The following TTC28 variants were observed in gnomAD, a reference collection of about 807,000 sequenced individuals.
TTC28 encodes tetratricopeptide repeat protein 28.
Under a neutral mutation model 198.0 loss-of-function variants are expected in TTC28, and 61 were observed. The ratio of observed to expected loss-of-function variants is 0.31; its 90% CI spans 0.25 to 0.38. TTC28 has a LOEUF of 0.38. TTC28 is among the 10% of genes least tolerant of loss of function. The pLI is 1.00. For missense variants in TTC28, 2,678 were observed against 3,164.0 expected, an observed-to-expected ratio of 0.85 and a Z score of 3.69; for synonymous variants, 1,171 against 1,297.8, an observed-to-expected ratio of 0.90 and a Z score of 2.10.
intron 12 of TTC28, among the ~76,000 whole-genome samples, chr22:28,040,344 T>C (rs1398380089): frequency 2.0e-5 from 3 of 152,244 alleles, no homozygotes; most frequent in Non-Finnish European, 4.4e-5. Flanking sequence ...CTCAATAAAA[T>C]ACTGGCAAAC....
intron 1 of TTC28, among the ~76,000 whole-genome samples, chr22:28,674,225 G>C (rs536303354): frequency 6.6e-6 from 1 of 150,704 alleles, no homozygotes; most frequent in East Asian, 1.9e-4. Flanking sequence ...ATGGGGACAG[G>C]AAGAGGCTTG....
At chr22:28,625,764 A>G (rs1248614513) in intron 2 of TTC28, among the ~76,000 whole-genome samples, 1 of 152,184 alleles carries the variant, frequency 6.6e-6, no homozygotes, top group Non-Finnish European at 1.5e-5. Context: ...ACAAGGTTGG[A>G]AGACTTACAA....
Position 28,175,444 on chromosome 22 carries a change from T to C in TTC28, c.934-11845A>G, listed in dbSNP as rs530685081. The stretch of plus-strand genomic sequence containing the variant: ...AAAACAAAATAACCCAATTAAAAAA[T>C]GGGCAGGCCAGGCCTGGTGGCTCAT... On this transcript the variant is annotated intron_variant, in intron 5 of 22. Transcript: ENST00000397906. Among the ~76,000 whole-genome samples the C allele has an allele frequency of 1.0e-3, 154 of 152,162 alleles. 1 individual carries two copies. Among genetic ancestry groups the C allele is most frequent in the African/African-American group, 3.5e-3 (146 of 41,518 alleles).
At chr22:28,052,805 T>A (rs1402050683) in intron 12 of TTC28, among the ~76,000 whole-genome samples, 1 of 152,228 alleles carries the variant, frequency 6.6e-6, no homozygotes, top group Non-Finnish European at 1.5e-5. Context: ...GATCACAAAG[T>A]AACTAAACAA....
intron 2 of TTC28, among the ~76,000 whole-genome samples, chr22:28,525,553 T>G (rs1257275457): frequency 6.6e-6 from 1 of 152,220 alleles, no homozygotes; most frequent in Admixed American, 6.5e-5. Flanking sequence ...AAGATCACTC[T>G]AGGGAAAGGT....
chr22:28,229,456 A>T (rs1385710545), intron 5 of TTC28, among the ~76,000 whole-genome samples: 1 of 152,240 alleles, frequency 6.6e-6, no homozygotes, highest in East Asian at 1.9e-4. Flanking sequence ...TATTCAGTTC[A>T]ACCTTATAGA....
chr22:28,654,365 G>C (rs777381600), intron 1 of TTC28, among the ~76,000 whole-genome samples: 8 of 152,118 alleles, frequency 5.3e-5, no homozygotes, highest in Admixed American at 3.3e-4. Context: ...GTCTCGCTCT[G>C]TCACCAGGCT....
chr22:28,588,195 C>T (rs2050355126), intron 2 of TTC28, among the ~76,000 whole-genome samples: 1 of 151,258 alleles, frequency 6.6e-6, no homozygotes, highest in Admixed American at 6.6e-5. Flanking sequence ...CTGTTATTAA[C>T]AGTAAAATAT....
chr22:28,520,253 C>T (rs775055231), intron 2 of TTC28, among the ~76,000 whole-genome samples: 12 of 152,160 alleles, frequency 7.9e-5, no homozygotes, highest in Non-Finnish European at 8.8e-5. Context: ...ATTGAAAGGA[C>T]CTAATGAACT....
intron 5 of TTC28, among the ~76,000 whole-genome samples, chr22:28,175,364 T>C (rs1923063562): frequency 6.6e-6 from 1 of 152,192 alleles, no homozygotes; most frequent in African/African-American, 2.4e-5. Flanking sequence ...ACTATACACC[T>C]GATAAGGGGT....
chr22:28,515,585 G>T (rs901771089), intron 2 of TTC28, among the ~76,000 whole-genome samples: 1 of 152,114 alleles, frequency 6.6e-6, no homozygotes, highest in Non-Finnish European at 1.5e-5. Context: ...TAAATGTCAA[G>T]AAATCTAATC....
intron 2 of TTC28, among the ~76,000 whole-genome samples, chr22:28,576,919 A>T (rs2050160466): frequency 6.6e-6 from 1 of 151,788 alleles, no homozygotes; most frequent in South Asian, 2.1e-4. Flanking sequence ...TTTAAAAAAA[A>T]CTTTTCATTT....
At chr22:28,630,058 G>A (rs962889363) in intron 1 of TTC28, among the ~76,000 whole-genome samples, 1 of 151,984 alleles carries the variant, frequency 6.6e-6, no homozygotes, top group East Asian at 1.9e-4. Context: ...TTTCCAGTGA[G>A]AGCCGGTTGT....
chr22:28,143,859 G>T (rs536866927), intron 6 of TTC28, among the ~76,000 whole-genome samples: 2 of 152,260 alleles, frequency 1.3e-5, no homozygotes, highest in South Asian at 2.1e-4. Context: ...TTCTTCCAGC[G>T]AATCTTACAG....
chr22:28,268,900 GACAATCT>G (rs1470271459), intron 5 of TTC28, among the ~76,000 whole-genome samples: 1 of 152,018 alleles, frequency 6.6e-6, no homozygotes, highest in Non-Finnish European at 1.5e-5. Flanking sequence ...CGTTTACTAT[GACAATCT>G]ATTCTTTCTG....
At chr22:28,096,135 G>T in intron 11 of TTC28, 55 bp downstream of exon 11, 1 of 1,470,580 alleles carries the variant, frequency 6.8e-7, no homozygotes, top group Non-Finnish European at 9.0e-7. Flanking sequence ...CTATTCATTA[G>T]ACTTTCACAG....
chr22:28,595,583 A>G (rs1368813613), intron 2 of TTC28, among the ~76,000 whole-genome samples: 1 of 152,202 alleles, frequency 6.6e-6, no homozygotes. Context: ...AGACACAACA[A>G]TGAATCATTC....
intron 1 of TTC28, among the ~76,000 whole-genome samples, chr22:28,658,733 A>G (rs573124772): frequency 6.6e-6 from 1 of 152,352 alleles, no homozygotes; most frequent in Admixed American, 6.5e-5. Flanking sequence ...GCAGTGGCTC[A>G]TGCCTGTAAT....
At chr22:28,140,617 G>A (rs968095767) in intron 6 of TTC28, among the ~76,000 whole-genome samples, 3 of 152,306 alleles carry the variant, frequency 2.0e-5, no homozygotes, top group Non-Finnish European at 2.9e-5. Flanking sequence ...GAGTTTCATG[G>A]GACTGTGGGC....
Sources: gnomAD v4.1 joint callset for allele counts (sites outside exome capture counted in the v4.1 genomes callset) on GRCh38, gnomAD v4.1.1 for gene constraint, MANE v1.5 for transcripts, NCBI Gene and HGNC (gene_info 2026-07-23, HGNC 2026-07-21) for gene names.